AKAP9: variants seen among roughly 807,000 people sequenced by gnomAD.
The protein encoded by AKAP9 is A-kinase anchor protein 9.
Under a neutral mutation model 488.5 loss-of-function variants are expected in AKAP9, and 311 were observed. That is an observed-to-expected ratio of 0.64 (90% CI 0.58 to 0.70). The LOEUF (loss-of-function observed/expected upper bound fraction) is 0.70, where lower values mean the gene tolerates loss of function less well. Ranked by LOEUF, AKAP9 falls within the 30% of genes least tolerant of loss-of-function variation. AKAP9 has a pLI of 0.00. For synonymous variants in AKAP9, 1,462 were observed against 1,483.5 expected, an observed-to-expected ratio of 0.99 and a Z score of 0.33; for missense variants, 4,215 against 4,374.5, an observed-to-expected ratio of 0.96 and a Z score of 1.03.
chr7:91,982,931 G>C (rs1341390423), intron 3 of AKAP9, among the ~76,000 whole-genome samples: 1 of 152,112 alleles, frequency 6.6e-6, no homozygotes, highest in Non-Finnish European at 1.5e-5. Flanking sequence ...GCATTTCTCT[G>C]ATGACCAGTG....
chr7:92,053,495 G>A (rs923621462), intron 22 of AKAP9, among the ~76,000 whole-genome samples: 3 of 152,104 alleles, frequency 2.0e-5, no homozygotes, highest in Non-Finnish European at 4.4e-5. Context: ...TGTTAATGCT[G>A]CCAACAGTCA....
chr7:91,956,453 A>G (rs1172854455), intron 1 of AKAP9, among the ~76,000 whole-genome samples: 1 of 151,578 alleles, frequency 6.6e-6, no homozygotes, highest in Non-Finnish European at 1.5e-5. Context: ...CCTAAATGCC[A>G]GACAAACAAT....
In AKAP9 at chr7:92,080,142, A is replaced by C; in HGVS notation, c.8009A>C (p.Glu2670Ala). ...AAGAAAAGAAGCCCTCAAGATGTTGAAGTTCTCAAGGTTAGTTTTGTATTT... is the reference window on the plus strand; with the variant it reads ...AAGAAAAGAAGCCCTCAAGATGTTGCAGTTCTCAAGGTTAGTTTTGTATTT... ...KEKKRSPQDV[E>A]VLKTTTELFH... Residue 2670 changes from glutamate (E) to alanine (A), a missense_variant, in exon 31 of 50, where the codon GAA becomes GCA. By Grantham distance (107) the Glu-to-Ala change is moderately radical. Transcript: ENST00000356239. 1 of 1,585,074 alleles carries C rather than the reference A, an allele frequency of 6.3e-7. No homozygotes were observed. The highest frequency in any genetic ancestry group is 8.5e-7 in the Non-Finnish European group (1 of 1,171,066).
At chr7:92,043,343 C>A in intron 20 of AKAP9, 5 of 984,472 alleles carry the variant, frequency 5.1e-6, no homozygotes, top group Non-Finnish European at 6.0e-6. Flanking sequence ...CAGTATGGAA[C>A]GCAGTCAGTA....
intron 9 of AKAP9, among the ~76,000 whole-genome samples, chr7:92,013,541 A>G (rs577388393): frequency 1.3e-5 from 2 of 152,306 alleles, no homozygotes; most frequent in African/African-American, 4.8e-5. Flanking sequence ...TTATGATGAC[A>G]CCACTGCGGT....
intron 22 of AKAP9, among the ~76,000 whole-genome samples, chr7:92,053,679 C>T (rs1009092731): frequency 4.6e-5 from 7 of 152,148 alleles, no homozygotes; most frequent in Non-Finnish European, 8.8e-5. Flanking sequence ...TTAGCTTCTT[C>T]TGTATTGTGG....
At chr7:92,103,785 A>G (rs751942473) in intron 46 of AKAP9, among the ~76,000 whole-genome samples, 3 of 152,174 alleles carry the variant, frequency 2.0e-5, no homozygotes, top group African/African-American at 7.2e-5. Context: ...GTGGTTGACA[A>G]ATTACTTCTT....
At position 92,071,065 on chromosome 7, in the gene AKAP9, A is replaced by T. The variant is rs1811653737; in HGVS notation, c.6612+56A>T. ...TGGTTTGAATTATTTTAAATCAGTT[A>T]CCTTGAAAATATTATTTGAACTGAA... On this transcript the variant is annotated intron_variant, in intron 28 of 49. Transcript: ENST00000356239. The T allele has an allele frequency of 2.1e-6, 3 of 1,440,112 alleles. No homozygotes were observed. The African/African-American group carries it at 4.2e-5, about 20-fold the overall frequency. 89.2% of individuals were successfully genotyped at this position (1,440,112 alleles called of 1,614,324 possible).
intron 15 of AKAP9, among the ~76,000 whole-genome samples, chr7:92,030,937 G>T (rs1804136002): frequency 1.3e-5 from 2 of 152,154 alleles, no homozygotes; most frequent in African/African-American, 4.8e-5. Context: ...TCCTCGCTCA[G>T]TATACAGAGG....
chr7:92,076,908 G>T lies in AKAP9; in HGVS notation c.6666G>T (p.Lys2222Asn). ...AGTTTAGAGAAGAACTGGAAAATAA[G>T]AATGAAGAAGTTCAACAATTACATA... ...LEQFREELENKNEEVQQLHMQ... is the reference protein window; with the variant it reads ...LEQFREELENNNEEVQQLHMQ... Residue 2222 changes from lysine (K) to asparagine (N), a missense_variant, in exon 29 of 50, where the codon AAG becomes AAT. Lys to Asn is a moderately conservative substitution (Grantham distance 94). Coordinates refer to ENST00000356239, the MANE Select transcript of AKAP9 (RefSeq NM_005751.5). The T allele has an allele frequency of 6.6e-7, 1 of 1,523,942 alleles. No homozygotes were observed. The highest frequency in any genetic ancestry group is 2.3e-5 in the East Asian group (1 of 43,686). 94.4% of individuals were successfully genotyped at this position (1,523,942 alleles called of 1,614,324 possible). A position where few individuals can be genotyped will look rare whatever the true frequency, so the allele number is the denominator to read the frequency against.
chr7:92,109,521 A>G (rs1260492470), intron 49 of AKAP9, among the ~76,000 whole-genome samples: 5 of 152,232 alleles, frequency 3.3e-5, no homozygotes, highest in Admixed American at 2.6e-4. Flanking sequence ...AAAATGTATG[A>G]GGTATAGAAC....
chr7:92,096,122 T>C (rs190482325), intron 40 of AKAP9, among the ~76,000 whole-genome samples: 37 of 152,290 alleles, frequency 2.4e-4, no homozygotes, highest in South Asian at 1.9e-3. Flanking sequence ...GTTATTCTTA[T>C]AAGAAATGTA....
In AKAP9 at chr7:92,015,072, TAA is replaced by T. The variant is rs764874946; in HGVS notation, c.3612+746_3612+747del. On this transcript the variant is annotated intron_variant, in intron 10 of 49. Transcript: ENST00000356239. ...CTTAGGGGCTATGCTGAAAATTTAA[TAA>T]ACTTAATTATTAATTGACAGTATAG... 7.9e-5 allele frequency among the ~76,000 whole-genome samples: 12 copies of T among 152,326 alleles called. No individual in the cohort carries two copies. In the East Asian group the frequency reaches 2.3e-3, roughly 29 times the overall value.
intron 1 of AKAP9, among the ~76,000 whole-genome samples, chr7:91,963,242 A>G (rs1392140445): frequency 6.6e-6 from 1 of 152,154 alleles, no homozygotes; most frequent in East Asian, 1.9e-4. Context: ...AGTAGAGGCA[A>G]CTGGTCTTGC....
chr7:92,026,923 G>A (rs551232776), intron 14 of AKAP9, among the ~76,000 whole-genome samples: 27 of 150,818 alleles, frequency 1.8e-4, no homozygotes, highest in Admixed American at 1.4e-3. Flanking sequence ...TCTGGGATGT[G>A]GGGAGCGCCT....
intron 16 of AKAP9, among the ~76,000 whole-genome samples, chr7:92,032,851 A>G (rs1804519199): frequency 6.6e-6 from 1 of 152,148 alleles, no homozygotes; most frequent in Non-Finnish European, 1.5e-5. Flanking sequence ...ATCAAATGGA[A>G]TGGTGTATCA....
chr7:92,004,305 A>G (rs933868223), intron 8 of AKAP9, among the ~76,000 whole-genome samples: 3 of 152,118 alleles, frequency 2.0e-5, no homozygotes, highest in African/African-American at 7.2e-5. Flanking sequence ...TTGGTTCCTT[A>G]TGAACTTTAA....
chr7:92,079,378 A>G lies in AKAP9; in HGVS notation c.7245A>G (p.Val2415=). Residue 2415 remains valine (V), a synonymous_variant, in exon 31 of 50, where the codon GTA becomes GTG. Transcript: ENST00000356239. ...AAGAAATGACCTTCATGAAAAATGT[A>G]CTTAAAGAAACCAATTTTAAAATGA... ...ANEEMTFMKN[V]LKETNFKMNQ... 6.2e-7 allele frequency: 1 copy of G among 1,614,058 alleles called. No homozygotes were observed. Among genetic ancestry groups the G allele is most frequent in the East Asian group, 2.2e-5 (1 of 44,844 alleles).
chr7:91,960,617 C>T (rs1278407247), intron 1 of AKAP9, among the ~76,000 whole-genome samples: 1 of 152,126 alleles, frequency 6.6e-6, no homozygotes, highest in Non-Finnish European at 1.5e-5. Context: ...TTCTTCAAAG[C>T]ACTTTTTATC....
Sources: allele counts gnomAD v4.1 joint callset (sites outside exome capture counted in the v4.1 genomes callset), GRCh38; gene constraint gnomAD v4.1.1; transcripts MANE v1.5; gene names NCBI Gene and HGNC (gene_info 2026-07-23, HGNC 2026-07-21).